TMEM71: variants seen among roughly 807,000 people sequenced by gnomAD.
TMEM71 encodes transmembrane protein 71.
A neutral mutation model predicts 38.0 loss-of-function variants in TMEM71; 44 were observed. The ratio of observed to expected loss-of-function variants is 1.16; its 90% CI spans 0.91 to 1.49. The LOEUF is 1.49. Ranked by LOEUF, TMEM71 falls within the 40% of genes most tolerant of loss-of-function variation. TMEM71 has a pLI of 0.00. For missense variants in TMEM71, 367 were observed against 348.6 expected (o/e 1.05, Z -0.42); for synonymous variants, 133 against 122.5 (o/e 1.09, Z -0.56).
In TMEM71 at chr8:132,722,078, G is replaced by T; in HGVS notation, c.714C>A (p.Ile238=). The part of the protein sequence containing the change: ...RLLQEVFFQA[I]LLAVCLIISA... ...AAATGATTAAGCACACAGCAAGCAG[G>T]ATTGCCTGAAAGAAGACCTCTTGCA... is the stretch of plus-strand genomic sequence containing the variant. The change falls in exon 7 of 10, where the codon ATC becomes ATA. Residue 238 remains isoleucine (I), a synonymous_variant. Transcript: ENST00000677595. 2 of 1,614,056 alleles carry T rather than the reference G, an allele frequency of 1.2e-6. No homozygotes were observed. The highest frequency in any genetic ancestry group is 3.3e-5 in the Admixed American group (2 of 60,014).
chr8:132,720,160 T>C (rs1826761683), intron 7 of TMEM71, among the ~76,000 whole-genome samples: 1 of 152,216 alleles, frequency 6.6e-6, no homozygotes, highest in African/African-American at 2.4e-5. Flanking sequence ...CTGTTGATGC[T>C]GACTTGTTCA....
intron 7 of TMEM71, among the ~76,000 whole-genome samples, chr8:132,721,806 G>T (rs1269294563): frequency 6.6e-6 from 1 of 151,848 alleles, no homozygotes; most frequent in South Asian, 2.1e-4. Context: ...AAAGTTCTCG[G>T]ATTACAGGCA....
At chr8:132,714,783 T>C (rs1826413316) in intron 7 of TMEM71, among the ~76,000 whole-genome samples, 1 of 152,174 alleles carries the variant, frequency 6.6e-6, no homozygotes, top group South Asian at 2.1e-4. Flanking sequence ...CAAGGCGCAG[T>C]CTGTGAGAAA....
At chr8:132,734,025 C>T (rs528800185) in intron 5 of TMEM71, among the ~76,000 whole-genome samples, 1 of 151,964 alleles carries the variant, frequency 6.6e-6, no homozygotes, top group African/African-American at 2.4e-5. Context: ...AAATTGGGAG[C>T]CATTGTTCAA....
chr8:132,727,924 ACT>A lies in TMEM71; in HGVS notation c.548_549del (p.Glu183ValfsTer21), dbSNP rs768212639. 71 of 1,613,856 alleles carry A rather than the reference ACT, an allele frequency of 4.4e-5. No individual in the cohort carries two copies. Among genetic ancestry groups the A allele is most frequent in the Non-Finnish European group, 5.7e-5 (67 of 1,180,012 alleles). ...TGGCTGGAAGAGGAGGTGATCACAG[ACT>A]CTGCATTCATCTTCCCTGACTCCCA... ...DDWESGKMNA[E>X]SVITSSSSHI... On this transcript the variant is annotated frameshift_variant, in exon 6 of 10. Transcript: ENST00000677595. LOFTEE classifies it high-confidence loss of function.
At chr8:132,735,237 G>T (rs1382809750) in intron 5 of TMEM71, among the ~76,000 whole-genome samples, 2 of 152,184 alleles carry the variant, frequency 1.3e-5, no homozygotes, top group South Asian at 4.1e-4. Flanking sequence ...AATGAGGAAA[G>T]GTGTCAACAC....
intron 4 of TMEM71, among the ~76,000 whole-genome samples, chr8:132,749,648 G>C (rs1242034092): frequency 6.6e-6 from 1 of 152,196 alleles, no homozygotes. Context: ...AAGAGGCTGG[G>C]TCTCTGAGTC....
intron 7 of TMEM71, among the ~76,000 whole-genome samples, chr8:132,721,185 G>C (rs1826821874): frequency 6.6e-6 from 1 of 152,220 alleles, no homozygotes; most frequent in African/African-American, 2.4e-5. Flanking sequence ...CCCTGAGACA[G>C]GAGTGGGCCT....
chr8:132,740,981 G>C (rs1828002686), intron 5 of TMEM71, among the ~76,000 whole-genome samples: 1 of 152,300 alleles, frequency 6.6e-6, no homozygotes, highest in East Asian at 1.9e-4. Context: ...CCTTAAAAAG[G>C]TTAGCCTCAC....
intron 7 of TMEM71, among the ~76,000 whole-genome samples, chr8:132,716,740 T>A (rs1300422547): frequency 6.6e-6 from 1 of 152,226 alleles, no homozygotes; most frequent in East Asian, 1.9e-4. Flanking sequence ...TTTATAGTTA[T>A]GAATAATTTA....
the TMEM71 span, among the ~76,000 whole-genome samples, chr8:132,773,492 G>A: frequency 6.6e-6 from 1 of 152,132 alleles, no homozygotes; most frequent in African/African-American, 2.4e-5. Context: ...CTTTATGTAT[G>A]TATTTTATTT....
upstream of TMEM71, among the ~76,000 whole-genome samples, chr8:132,762,106 C>A (rs977505217): frequency 6.6e-6 from 1 of 152,212 alleles, no homozygotes; most frequent in African/African-American, 2.4e-5. Flanking sequence ...TGTTACACAG[C>A]AACACATAGC....
At chr8:132,720,470 A>T (rs1481497003) in intron 7 of TMEM71, among the ~76,000 whole-genome samples, 1 of 152,234 alleles carries the variant, frequency 6.6e-6, no homozygotes, top group African/African-American at 2.4e-5. Flanking sequence ...ACTAATGCAC[A>T]TCATGGTCTT....
chr8:132,764,449 CAT>C (rs1237408887), upstream of TMEM71, among the ~76,000 whole-genome samples: 237 of 152,262 alleles, frequency 1.6e-3, no homozygotes, highest in African/African-American at 5.6e-3. Context: ...TGATTAAATT[CAT>C]CAGTGCTTGC....
In TMEM71 at chr8:132,722,134, A is replaced by T. The variant is rs1291995756; in HGVS notation, c.677-19T>A. On this transcript the variant is annotated intron_variant, in intron 6 of 9. Transcript: ENST00000677595. ...CTGGTTTCTAATAGGAAGAACAAAA[A>T]CAAATAAATTAGAAATCATTGCTGA... The T allele has an allele frequency of 2.5e-6, 4 of 1,586,414 alleles. No homozygotes were observed. In the South Asian group the frequency reaches 4.4e-5, roughly 18 times the overall value.
chr8:132,742,888 C>T (rs1428269288), intron 5 of TMEM71, among the ~76,000 whole-genome samples: 1 of 152,154 alleles, frequency 6.6e-6, no homozygotes, highest in Non-Finnish European at 1.5e-5. Context: ...GCTAGGAAAG[C>T]CTCACAGTCA....
chr8:132,710,467 A>G lies in TMEM71; in HGVS notation c.*500T>C, dbSNP rs184255854. 4 of 180,028 alleles carry G rather than the reference A, an allele frequency of 2.2e-5. No homozygotes were observed. The allele number at this position is 180,028 out of a possible 1,614,324, so 11.2% of individuals were successfully genotyped here. A position where few individuals can be genotyped will look rare whatever the true frequency, so the allele number is the denominator to read the frequency against. On this transcript the variant is annotated 3_prime_UTR_variant, in exon 10 of 10. Coordinates refer to ENST00000677595, the MANE Select transcript of TMEM71 (RefSeq NM_001382403.1). ...ACTGAGGTGAATGACAAACTTTTGC[A>G]GCATTATATTTTATGTACAAATTGC...
At chr8:132,728,076 T>C (rs774557805) in intron 5 of TMEM71, 90 bp from the exon 6 acceptor site, 259 of 986,088 alleles carry the variant, frequency 2.6e-4, no homozygotes, top group South Asian at 4.2e-4. Context: ...GCACAGTTAG[T>C]TCCTAATAAT....
chr8:132,774,343 A>G, the TMEM71 span, among the ~76,000 whole-genome samples: 1 of 152,220 alleles, frequency 6.6e-6, no homozygotes, highest in Non-Finnish European at 1.5e-5. Flanking sequence ...CTTTTCTATA[A>G]CAAATATCCA....
Sources: allele counts gnomAD v4.1 joint callset (sites outside exome capture counted in the v4.1 genomes callset), GRCh38; gene constraint gnomAD v4.1.1; transcripts MANE v1.5; gene names NCBI Gene and HGNC (gene_info 2026-07-23, HGNC 2026-07-21).